TET1: variants seen among roughly 807,000 people sequenced by gnomAD.
TET1 encodes tet methylcytosine dioxygenase 1, also known as methylcytosine dioxygenase TET1.
Under a neutral mutation model 148.7 loss-of-function variants are expected in TET1, and 13 were observed. The ratio of observed to expected loss-of-function variants is 0.09; its 90% CI spans 0.06 to 0.14. The LOEUF (loss-of-function observed/expected upper bound fraction) is 0.14. Among genes scored for constraint, TET1 ranks in the 10% least tolerant of loss-of-function variants. TET1 has a pLI of 1.00. For missense variants in TET1, 2,182 were observed against 2,553.8 expected, an observed-to-expected ratio of 0.85 and a Z score of 3.14; for synonymous variants, 907 against 937.2, an observed-to-expected ratio of 0.97 and a Z score of 0.59.
At chr10:68,605,926 G>A (rs1156443930) in intron 3 of TET1, among the ~76,000 whole-genome samples, 5 of 152,128 alleles carry the variant, frequency 3.3e-5, no homozygotes, top group African/African-American at 4.8e-5. Context: ...AGGTCTTGCC[G>A]TGCTGCCCAG....
At chr10:68,663,355 G>C (rs962085351) in intron 6 of TET1, among the ~76,000 whole-genome samples, 1 of 151,946 alleles carries the variant, frequency 6.6e-6, no homozygotes, top group African/African-American at 2.4e-5. Context: ...TAGGTTTTTT[G>C]CATCTTTCTG....
chr10:68,620,482 A>G (rs911996166), intron 3 of TET1, among the ~76,000 whole-genome samples: 9 of 152,178 alleles, frequency 5.9e-5, no homozygotes, highest in African/African-American at 2.2e-4. Flanking sequence ...GTTGTAGCAT[A>G]TATCACTACT....
intron 1 of TET1, among the ~76,000 whole-genome samples, chr10:68,567,600 A>T (rs1174362931): frequency 6.7e-6 from 1 of 149,878 alleles, no homozygotes; most frequent in Non-Finnish European, 1.5e-5. Context: ...GGCCAGGTTT[A>T]TTTTTTTTTA....
intron 2 of TET1, among the ~76,000 whole-genome samples, chr10:68,597,030 A>ATTTTTTTTTTGTTTTTTTTTTTTTTTTT (rs2053996510): frequency 1.0e-5 from 1 of 98,894 alleles, no homozygotes; most frequent in Non-Finnish European, 1.9e-5. Context: ...CAGCTAATGG[A>ATTTTTTTTTTGTTTTTTTTTTTTTTTTT]TTTTTTTTTT....
chr10:68,596,913 C>T (rs997553742), intron 2 of TET1, among the ~76,000 whole-genome samples: 4 of 152,026 alleles, frequency 2.6e-5, no homozygotes, highest in African/African-American at 9.7e-5. Context: ...GTGAAAACAC[C>T]TGTCTTTGGG....
intron 2 of TET1, 70 bp downstream of exon 2, chr10:68,574,322 C>G: frequency 4.8e-6 from 5 of 1,039,700 alleles, no homozygotes; most frequent in Non-Finnish European, 5.6e-6. Context: ...AGAGACACTT[C>G]TAGTGTCTCT....
chr10:68,668,037 G>A (rs530083550), intron 7 of TET1, among the ~76,000 whole-genome samples: 8 of 152,242 alleles, frequency 5.3e-5, no homozygotes, highest in Admixed American at 1.3e-4. Context: ...TTATGAATGA[G>A]AGTATTTTTT....
At position 68,686,383 on chromosome 10, in the gene TET1, C is replaced by T. The variant is rs2055509397; in HGVS notation, c.5080C>T (p.Arg1694Cys). 6 of 1,609,056 alleles carry T rather than the reference C, an allele frequency of 3.7e-6. No individual in the cohort carries two copies. Among genetic ancestry groups the T allele is most frequent in the African/African-American group, 1.3e-5 (1 of 74,674 alleles). ...VVCTLTREDN[R>C]SLGVIPQDEQ... ...TTGTACCTTAACTCGAGAAGATAACCGCTCTTTGGGTGTTATTCCTCAAGA... is the reference window on the plus strand; with the variant it reads ...TTGTACCTTAACTCGAGAAGATAACTGCTCTTTGGGTGTTATTCCTCAAGA... The change falls in exon 11 of 12, where the codon CGC becomes TGC. Residue 1694 changes from arginine to cysteine, a missense_variant. Arg to Cys is a radical substitution (Grantham distance 180). This residue lies in a region of TET1 where 380 missense variants were observed against 387.9 expected (regional missense o/e 0.98). Coordinates refer to ENST00000373644, the MANE Select transcript of TET1 (RefSeq NM_030625.3).
chr10:68,569,796 T>A (rs191487834), intron 1 of TET1, among the ~76,000 whole-genome samples: 109 of 152,018 alleles, frequency 7.2e-4, no homozygotes, highest in Non-Finnish European at 1.2e-3. Flanking sequence ...AATAATAAAT[T>A]AATTAATTAA....
intron 6 of TET1, among the ~76,000 whole-genome samples, chr10:68,652,809 C>T (rs1308884625): frequency 6.6e-6 from 1 of 150,920 alleles, no homozygotes; most frequent in East Asian, 1.9e-4. Context: ...CCACCTTAGC[C>T]TCCAAGTACT....
In TET1 at chr10:68,691,442, T is replaced by G. The variant is rs754251338; in HGVS notation, c.6039T>G (p.Pro2013=). 21 of 1,614,060 alleles carry G rather than the reference T, an allele frequency of 1.3e-5. No homozygotes were observed. The African/African-American group carries it at 2.7e-4, about 21-fold the overall frequency. ...ATATTGGTGGGGTGGCCATCGCACCTGCTCACGGCTCGGTTTTGATTGAGT... is the reference window on the plus strand; with the variant it reads ...ATATTGGTGGGGTGGCCATCGCACCGGCTCACGGCTCGGTTTTGATTGAGT... ...DANIGGVAIA[P]AHGSVLIECA... is the part of the protein sequence containing the mutation. The change falls in exon 12 of 12, where the codon CCT becomes CCG. Residue 2013 remains proline, a synonymous_variant. Coordinates refer to ENST00000373644, the MANE Select transcript of TET1 (RefSeq NM_030625.3). The surrounding 1 kb of genome is among the most constrained non-coding windows in gnomAD (Gnocchi z 4.4).
At chr10:68,674,828 A>T (rs1243347394) in intron 8 of TET1, 2 of 475,356 alleles carry the variant, frequency 4.2e-6, no homozygotes, top group Non-Finnish European at 8.1e-6. Context: ...GATGGAAATC[A>T]TGACCCGAGA....
rs546070939 is a variant in TET1, at chr10:68,570,161, A to G, written c.-122-2056A>G. Among the ~76,000 whole-genome samples the G allele has an allele frequency of 7.3e-5, 11 of 149,862 alleles. 1 individual carries two copies. The highest frequency in any genetic ancestry group is 2.0e-4 in the Admixed American group (3 of 14,982). On this transcript the variant is annotated intron_variant, in intron 1 of 11. Coordinates refer to ENST00000373644, the MANE Select transcript of TET1 (RefSeq NM_030625.3). The stretch of plus-strand genomic sequence containing the variant: ...GCTCTGTCACCCAGGCTGGAGTGCC[A>G]TGGTGCAATCTCAGCTCACTGCAAC...
intron 10 of TET1, 52 bp downstream of exon 10, chr10:68,683,025 G>A (rs375515385): frequency 6.8e-5 from 108 of 1,595,218 alleles, no homozygotes; most frequent in Admixed American, 1.8e-5. Context: ...TATATGCTTA[G>A]GCTGCAGTCC....
chr10:68,613,698 A>G (rs1589076906), intron 3 of TET1, among the ~76,000 whole-genome samples: 1 of 152,170 alleles, frequency 6.6e-6, no homozygotes, highest in Non-Finnish European at 1.5e-5. Flanking sequence ...GCACTTTGGG[A>G]GGCCGAGGCA....
intron 3 of TET1, among the ~76,000 whole-genome samples, chr10:68,607,273 G>A (rs1418807275): frequency 1.3e-5 from 2 of 151,738 alleles, no homozygotes; most frequent in Non-Finnish European, 2.9e-5. Context: ...TGTTTTGATA[G>A]TGCCGGATTC....
At chr10:68,688,062 A>G (rs1281358553) in intron 11 of TET1, among the ~76,000 whole-genome samples, 4 of 152,214 alleles carry the variant, frequency 2.6e-5, no homozygotes, top group East Asian at 3.9e-4. Context: ...AGCTAGAACT[A>G]TAGGCGTGCA....
intron 1 of TET1, among the ~76,000 whole-genome samples, chr10:68,569,741 G>A (rs952640998): frequency 6.6e-6 from 1 of 151,998 alleles, no homozygotes; most frequent in Non-Finnish European, 1.5e-5. Context: ...TCATGTCACT[G>A]CACTGCAGCC....
chr10:68,638,938 A>G (rs1366816512), intron 3 of TET1, among the ~76,000 whole-genome samples: 2 of 152,216 alleles, frequency 1.3e-5, no homozygotes, highest in Admixed American at 1.3e-4. Context: ...GAGAAAATGG[A>G]GAGGGCGTAG....
Sources: gnomAD v4.1 joint callset for allele counts (sites outside exome capture counted in the v4.1 genomes callset) on GRCh38, gnomAD v4.1.1 for gene constraint, gnomAD v4.1.1 regional missense constraint, Gnocchi (gnomAD v3.1) non-coding constraint, MANE v1.5 for transcripts, NCBI Gene and HGNC (gene_info 2026-07-23, HGNC 2026-07-21) for gene names.